Variants in SLC44A5 observed in about 807,000 individuals in gnomAD.
SLC44A5 encodes the protein solute carrier family 44 member 5.
SLC44A5 carries 57 observed loss-of-function variants against 101.8 expected under a neutral mutation model. That is an observed-to-expected ratio of 0.56 (90% CI 0.45 to 0.70). The LOEUF (loss-of-function observed/expected upper bound fraction) is 0.70, where lower values mean the gene tolerates loss of function less well. SLC44A5 is among the 30% of genes least tolerant of loss of function. The probability of loss-of-function intolerance (pLI) is 0.00; values close to 1 mark genes in which losing one functional copy is unlikely to be tolerated. For missense variants in SLC44A5, 737 were observed against 853.1 expected, an observed-to-expected ratio of 0.86 and a Z score of 1.70; for synonymous variants, 281 against 290.9, an observed-to-expected ratio of 0.97 and a Z score of 0.35.
At chr1:75,657,547 T>TAAA in the SLC44A5 span, among the ~76,000 whole-genome samples, 3 of 132,908 alleles carry the variant, frequency 2.3e-5, no homozygotes, top group Non-Finnish European at 4.8e-5. Context: ...GACTCTTTCT[T>TAAA]AAAAAAAAAA....
At chr1:75,451,778 T>C (rs910569401) in intron 2 of SLC44A5, among the ~76,000 whole-genome samples, 1 of 152,064 alleles carries the variant, frequency 6.6e-6, no homozygotes, top group African/African-American at 2.4e-5. Flanking sequence ...CTGATCTTTC[T>C]AACTAAATCA....
At chr1:75,278,869 A>G (rs1652150596) in intron 5 of SLC44A5, among the ~76,000 whole-genome samples, 1 of 152,148 alleles carries the variant, frequency 6.6e-6, no homozygotes, top group Admixed American at 6.6e-5. Context: ...TTCCCTTGGT[A>G]CTTATTGCAA....
chr1:75,388,777 TA>T (rs748464401), intron 3 of SLC44A5, among the ~76,000 whole-genome samples: 226 of 134,066 alleles, frequency 1.7e-3, no homozygotes, highest in Non-Finnish European at 1.7e-3. Flanking sequence ...AGACTCCGTC[TA>T]AAAAAAAAAA....
chr1:75,555,991 AT>A (rs1477674915), intron 1 of SLC44A5, among the ~76,000 whole-genome samples: 1 of 152,122 alleles, frequency 6.6e-6, no homozygotes, highest in Non-Finnish European at 1.5e-5. Context: ...ATATATTTCC[AT>A]TTGTAGAAAA....
the SLC44A5 span, among the ~76,000 whole-genome samples, chr1:75,668,625 G>T: frequency 6.6e-6 from 1 of 151,142 alleles, no homozygotes; most frequent in African/African-American, 2.5e-5. Context: ...CCCGGCCCTG[G>T]GAGCTTTTCA....
chr1:75,691,543 C>T, the SLC44A5 span, among the ~76,000 whole-genome samples: 2,261 of 152,004 alleles, frequency 0.015, 68 homozygotes, highest in African/African-American at 0.052. Context: ...TGTAAGGCCA[C>T]GAGGGAAACA....
At chr1:75,518,414 C>T (rs1432309211) in intron 2 of SLC44A5, among the ~76,000 whole-genome samples, 1 of 152,098 alleles carries the variant, frequency 6.6e-6, no homozygotes, top group Admixed American at 6.6e-5. Context: ...CTGTATTTAT[C>T]ATTTGTAGCA....
intron 2 of SLC44A5, among the ~76,000 whole-genome samples, chr1:75,527,150 AAAAAG>A (rs373680838): frequency 0.012 from 1,875 of 151,090 alleles, 43 homozygotes; most frequent in African/African-American, 0.044. Flanking sequence ...AAAAGAAAAA[AAAAAG>A]AAAAGAAAAG....
At chr1:75,215,604 C>A (rs1238599878) in intron 19 of SLC44A5, 150 bp downstream of exon 19, 3 of 544,012 alleles carry the variant, frequency 5.5e-6, no homozygotes, top group Non-Finnish European at 1.0e-5. Flanking sequence ...GAAGCATATC[C>A]CTGAATCATG....
intron 11 of SLC44A5, among the ~76,000 whole-genome samples, chr1:75,234,586 G>A (rs1647898485): frequency 6.6e-6 from 1 of 151,910 alleles, no homozygotes; most frequent in African/African-American, 2.4e-5. Context: ...AAAAATAACT[G>A]GCCATCCCCG....
At chr1:75,584,724 C>T (rs575392363) in intron 1 of SLC44A5, among the ~76,000 whole-genome samples, 47 of 152,014 alleles carry the variant, frequency 3.1e-4, no homozygotes, top group Non-Finnish European at 5.7e-4. Context: ...ATTCTCATGC[C>T]TCAGCCTCCC....
Position 75,477,559 on chromosome 1 carries a change from G to A in SLC44A5, c.13+63876C>T, listed in dbSNP as rs1385126509. ...AACCAATACAGAGAAGTGCTTAAAG[G>A]AGCTGATGGAGCTGAAAACCAAGGC... On this transcript the variant is annotated intron_variant, in intron 2 of 23. Transcript: ENST00000370859. Among the ~76,000 whole-genome samples the A allele has an allele frequency of 2.0e-5, 3 of 152,168 alleles. No homozygotes were observed. In the East Asian group the frequency reaches 5.8e-4, roughly 29 times the overall value.
At chr1:75,303,233 T>TTGTTTGTC (rs1557641821) in intron 4 of SLC44A5, among the ~76,000 whole-genome samples, 1 of 150,384 alleles carries the variant, frequency 6.6e-6, no homozygotes, top group Admixed American at 6.6e-5. Flanking sequence ...TGGAAGGTTT[T>TTGTTTGTC]TGTTTGTTTG....
intron 10 of SLC44A5, among the ~76,000 whole-genome samples, chr1:75,237,947 T>C (rs1192663168): frequency 6.6e-6 from 1 of 152,022 alleles, no homozygotes; most frequent in African/African-American, 2.4e-5. Flanking sequence ...CACATGTGTG[T>C]ATGCGTGCAC....
At chr1:75,299,089 T>C (rs1461110718) in intron 5 of SLC44A5, among the ~76,000 whole-genome samples, 1 of 152,186 alleles carries the variant, frequency 6.6e-6, no homozygotes, top group Non-Finnish European at 1.5e-5. Context: ...AAGAAAGATG[T>C]GTCCCAAAGT....
the SLC44A5 span, among the ~76,000 whole-genome samples, chr1:75,696,396 A>G: frequency 6.6e-6 from 1 of 152,248 alleles, no homozygotes; most frequent in Non-Finnish European, 1.5e-5. Flanking sequence ...AGACTTTATG[A>G]CTATCATGAT....
chr1:75,388,279 C>T (rs1202088186), intron 3 of SLC44A5, among the ~76,000 whole-genome samples: 1 of 147,180 alleles, frequency 6.8e-6, no homozygotes, highest in Non-Finnish European at 1.5e-5. Flanking sequence ...AAATTCATTA[C>T]CACTAGACCA....
chr1:75,470,845 A>C (rs78712649), intron 2 of SLC44A5, among the ~76,000 whole-genome samples: 35,620 of 151,982 alleles, frequency 0.23, 4,299 homozygotes, highest in African/African-American at 0.27. Flanking sequence ...CATCCCTTTT[A>C]AGCTACGAGT....
rs142548963 is a variant in SLC44A5, at chr1:75,502,785, T to C, written c.13+38650A>G. Among the ~76,000 whole-genome samples, 875 of 149,916 alleles carry C rather than the reference T, an allele frequency of 5.8e-3. 4 individuals are homozygous for C. The highest frequency in any genetic ancestry group is 0.021 in the African/African-American group (838 of 40,732). On this transcript the variant is annotated intron_variant, in intron 2 of 23. Transcript: ENST00000370859. The stretch of plus-strand genomic sequence containing the variant: ...CACCTATAAATGGACTTAGAAAAAT[T>C]AATATTACAAAAATGGCTCAAATAG...
Sources: allele counts gnomAD v4.1 joint callset (sites outside exome capture counted in the v4.1 genomes callset), GRCh38; gene constraint gnomAD v4.1.1; transcripts MANE v1.5; gene names NCBI Gene and HGNC (gene_info 2026-07-23, HGNC 2026-07-21).